STARD13: variants seen among roughly 807,000 people sequenced by gnomAD.
STARD13 encodes the protein StAR related lipid transfer domain containing 13.
A neutral mutation model predicts 106.4 loss-of-function variants in STARD13; 62 were observed. The ratio of observed to expected loss-of-function variants is 0.58; its 90% confidence interval spans 0.48 to 0.72. The LOEUF (loss-of-function observed/expected upper bound fraction) is 0.72. Among genes scored for constraint, STARD13 ranks in the 30% least tolerant of loss-of-function variants. The probability of loss-of-function intolerance (pLI) is 0.00; values close to 1 mark genes in which losing one functional copy is unlikely to be tolerated. For synonymous variants in STARD13, 565 were observed against 553.0 expected, an observed-to-expected ratio of 1.02 and a Z score of -0.31; for missense variants, 1,387 against 1,424.0, an observed-to-expected ratio of 0.97 and a Z score of 0.42.
chr13:33,621,694 A>G, the STARD13 span, among the ~76,000 whole-genome samples: 1 of 151,918 alleles, frequency 6.6e-6, no homozygotes, highest in African/African-American at 2.4e-5. Flanking sequence ...AAAAAAAAAA[A>G]AAAAAAATTC....
intron 1 of STARD13, chr13:33,281,104 G>A (rs192304794): frequency 6.6e-6 from 1 of 152,148 alleles, no homozygotes; most frequent in East Asian, 1.9e-4. Flanking sequence ...ACCACAGAGA[G>A]GATTCCAGAA....
the STARD13 span, among the ~76,000 whole-genome samples, chr13:33,437,067 A>G: frequency 6.6e-6 from 1 of 152,146 alleles, no homozygotes; most frequent in Admixed American, 6.5e-5. Context: ...CCAAAGAAAG[A>G]AAAAGTAAAA....
chr13:33,318,459 A>G (rs1893426022), intron 1 of STARD13, among the ~76,000 whole-genome samples: 1 of 152,218 alleles, frequency 6.6e-6, no homozygotes, highest in Non-Finnish European at 1.5e-5. Context: ...CCTAAGTGTA[A>G]GAGTTAAAGC....
At chr13:33,221,671 G>A (rs1435823890) in intron 1 of STARD13, among the ~76,000 whole-genome samples, 1 of 152,146 alleles carries the variant, frequency 6.6e-6, no homozygotes, top group Non-Finnish European at 1.5e-5. Flanking sequence ...AGTGCAAAAT[G>A]AAAACACAGG....
At chr13:33,347,371 G>C (rs1470676712), downstream of STARD13, among the ~76,000 whole-genome samples, 3 of 152,134 alleles carry the variant, frequency 2.0e-5, no homozygotes, top group Admixed American at 2.0e-4. Flanking sequence ...ATGTAGCTTG[G>C]ATTACACATG....
chr13:33,359,281 C>G, the STARD13 span, among the ~76,000 whole-genome samples: 4 of 152,072 alleles, frequency 2.6e-5, no homozygotes, highest in African/African-American at 9.7e-5. Context: ...CACGAGCCCA[C>G]CGGGAGAAAC....
the STARD13 span, among the ~76,000 whole-genome samples, chr13:33,667,016 C>A: frequency 6.6e-6 from 1 of 152,152 alleles, no homozygotes; most frequent in Non-Finnish European, 1.5e-5. Context: ...CACAAATAAC[C>A]CAAGAATGTT....
intron 3 of STARD13, among the ~76,000 whole-genome samples, chr13:33,146,758 AAACT>A (rs1880600922): frequency 6.6e-6 from 1 of 152,240 alleles, no homozygotes; most frequent in Non-Finnish European, 1.5e-5. Flanking sequence ...GGCTTCCAAC[AAACT>A]AAGTAACACT....
At chr13:33,215,752 C>G (rs948529892) in intron 1 of STARD13, among the ~76,000 whole-genome samples, 2 of 152,094 alleles carry the variant, frequency 1.3e-5, no homozygotes, top group Non-Finnish European at 2.9e-5. Flanking sequence ...GAACAGGAAA[C>G]TTTTTGTGAT....
intron 1 of STARD13, among the ~76,000 whole-genome samples, chr13:33,235,106 C>T (rs1459732093): frequency 6.6e-6 from 1 of 152,194 alleles, no homozygotes; most frequent in Non-Finnish European, 1.5e-5. Context: ...TCCCCAGTTC[C>T]CCAAATGTGC....
the STARD13 span, among the ~76,000 whole-genome samples, chr13:33,446,617 T>C: frequency 4.6e-5 from 7 of 152,170 alleles, no homozygotes; most frequent in African/African-American, 1.7e-4. Flanking sequence ...CTGAAAAATA[T>C]TTCAGTTTCA....
the STARD13 span, among the ~76,000 whole-genome samples, chr13:33,671,121 A>G: frequency 1.3e-5 from 2 of 152,192 alleles, no homozygotes. Flanking sequence ...TTTCCTCAAT[A>G]GTTTGATTTT....
At position 33,211,436 on chromosome 13, in the gene STARD13, T is replaced by C. The variant is rs150697349; in HGVS notation, c.170-43814A>G. 7.3e-3 allele frequency among the ~76,000 whole-genome samples: 1,113 copies of C among 152,286 alleles called. 28 individuals carry two copies. The highest frequency in any genetic ancestry group is 0.059 in the Admixed American group (905 of 15,300). On this transcript the variant is annotated intron_variant, in intron 1 of 13. Transcript: ENST00000336934. ...TATCCTTCCAAACTTATTATGCATA[T>C]ATAACACACTTGTTATATATGTGGG... is the stretch of plus-strand genomic sequence containing the variant.
chr13:33,614,760 G>A, the STARD13 span, among the ~76,000 whole-genome samples: 1 of 152,164 alleles, frequency 6.6e-6, no homozygotes, highest in Non-Finnish European at 1.5e-5. Flanking sequence ...AAACAGCAAG[G>A]CCAGCAAGCA....
chr13:33,555,560 T>C, the STARD13 span, among the ~76,000 whole-genome samples: 1 of 152,222 alleles, frequency 6.6e-6, no homozygotes, highest in Admixed American at 6.5e-5. Context: ...AAGCTGCTGA[T>C]CATCCCAAAC....
At chr13:33,324,234 T>C (rs575603020) in intron 1 of STARD13, among the ~76,000 whole-genome samples, 2 of 152,342 alleles carry the variant, frequency 1.3e-5, no homozygotes, top group African/African-American at 4.8e-5. Flanking sequence ...GTTAAGTGTG[T>C]TACTTGAGAA....
the STARD13 span, among the ~76,000 whole-genome samples, chr13:33,482,607 A>G: frequency 2.0e-5 from 3 of 152,212 alleles, no homozygotes; most frequent in Non-Finnish European, 2.9e-5. Flanking sequence ...CTGATAATAC[A>G]TAATTGATTA....
the STARD13 span, among the ~76,000 whole-genome samples, chr13:33,633,264 T>G: frequency 1.3e-5 from 2 of 152,214 alleles, no homozygotes; most frequent in Non-Finnish European, 2.9e-5. Flanking sequence ...TCACTTGATA[T>G]CCTCTTTTTT....
At chr13:33,651,232 A>C in the STARD13 span, among the ~76,000 whole-genome samples, 1 of 152,234 alleles carries the variant, frequency 6.6e-6, no homozygotes, top group Admixed American at 6.5e-5. Context: ...TTTAAAAATT[A>C]ACTACTTTTA....
Sources: gnomAD v4.1 joint callset for allele counts (sites outside exome capture counted in the v4.1 genomes callset) on GRCh38, gnomAD v4.1.1 for gene constraint, MANE v1.5 for transcripts, NCBI Gene and HGNC (gene_info 2026-07-23, HGNC 2026-07-21) for gene names.